Variants in CNTNAP5 observed in about 807,000 individuals in gnomAD.
CNTNAP5 encodes the protein contactin associated protein family member 5.
A neutral mutation model predicts 150.2 loss-of-function variants in CNTNAP5; 72 were observed. The ratio of observed to expected loss-of-function variants is 0.48; its 90% CI spans 0.40 to 0.58. The LOEUF is 0.58. Ranked by LOEUF, CNTNAP5 falls within the 20% of genes least tolerant of loss-of-function variation. The pLI is 0.00. For synonymous variants in CNTNAP5, 672 were observed against 619.8 expected (o/e 1.08, Z -1.25); for missense variants, 1,636 against 1,626.2 (o/e 1.01, Z -0.10).
At chr2:124,601,474 G>C (rs1014215094) in intron 11 of CNTNAP5, among the ~76,000 whole-genome samples, 2 of 152,096 alleles carry the variant, frequency 1.3e-5, no homozygotes, top group African/African-American at 4.8e-5. Flanking sequence ...GAACATCCCA[G>C]AAAGCACTAT....
chr2:124,124,801 TCCAG>T (rs1358553377), intron 1 of CNTNAP5, among the ~76,000 whole-genome samples: 1 of 152,176 alleles, frequency 6.6e-6, no homozygotes, highest in Non-Finnish European at 1.5e-5. Context: ...GAATTTCATA[TCCAG>T]CCAAACTAAG....
intron 11 of CNTNAP5, among the ~76,000 whole-genome samples, chr2:124,564,008 T>C (rs1695951944): frequency 1.3e-5 from 2 of 152,130 alleles, no homozygotes; most frequent in African/African-American, 4.8e-5. Context: ...AACCTGAATA[T>C]TGGTGAAAAG....
chr2:124,817,345 C>G (rs1226327447), intron 19 of CNTNAP5, among the ~76,000 whole-genome samples: 1 of 151,960 alleles, frequency 6.6e-6, no homozygotes, highest in Non-Finnish European at 1.5e-5. Context: ...GCATATGGAG[C>G]ATGGAGTATT....
At chr2:124,793,917 T>A (rs1681790202) in intron 18 of CNTNAP5, among the ~76,000 whole-genome samples, 1 of 152,178 alleles carries the variant, frequency 6.6e-6, no homozygotes, top group African/African-American at 2.4e-5. Context: ...GAAAATTTAT[T>A]TAGAAATCTA....
chr2:124,505,009 A>G (rs1694371653), intron 8 of CNTNAP5, among the ~76,000 whole-genome samples: 2 of 151,304 alleles, frequency 1.3e-5, no homozygotes, highest in South Asian at 4.2e-4. Context: ...CCTGGCCAGC[A>G]TTTTTTTTTC....
intron 3 of CNTNAP5, among the ~76,000 whole-genome samples, chr2:124,332,271 A>T (rs1017584539): frequency 6.6e-6 from 1 of 151,440 alleles, no homozygotes; most frequent in Non-Finnish European, 1.5e-5. Context: ...ATTTAAAATA[A>T]TTTTTCTCAC....
chr2:124,454,683 G>A (rs947451588), intron 6 of CNTNAP5, among the ~76,000 whole-genome samples: 1 of 152,038 alleles, frequency 6.6e-6, no homozygotes, highest in African/African-American at 2.4e-5. Context: ...CTGAAATTAT[G>A]TCAAGCACTT....
At chr2:124,341,133 C>A (rs965639011) in intron 3 of CNTNAP5, among the ~76,000 whole-genome samples, 1 of 151,822 alleles carries the variant, frequency 6.6e-6, no homozygotes, top group Non-Finnish European at 1.5e-5. Flanking sequence ...CACACACACA[C>A]AAAAAGAATC....
At chr2:124,530,924 C>T (rs57441264) in intron 10 of CNTNAP5, among the ~76,000 whole-genome samples, 3,309 of 152,130 alleles carry the variant, frequency 0.022, 109 homozygotes, top group African/African-American at 0.076. Context: ...TCTAAGCCAG[C>T]GGTCCCCAAC....
At chr2:124,029,115 A>G (rs1573701678) in intron 1 of CNTNAP5, among the ~76,000 whole-genome samples, 1 of 152,238 alleles carries the variant, frequency 6.6e-6, no homozygotes, top group East Asian at 1.9e-4. Flanking sequence ...TTAGGGTCAC[A>G]CAAATACAGC....
At chr2:124,151,990 G>C (rs1222856813) in intron 1 of CNTNAP5, among the ~76,000 whole-genome samples, 3 of 152,170 alleles carry the variant, frequency 2.0e-5, no homozygotes, top group African/African-American at 7.2e-5. Flanking sequence ...AAGTTTATAG[G>C]ACACCCACTG....
At chr2:124,812,567 C>G (rs1212954671) in intron 19 of CNTNAP5, among the ~76,000 whole-genome samples, 1 of 152,312 alleles carries the variant, frequency 6.6e-6, no homozygotes, top group Non-Finnish European at 1.5e-5. Flanking sequence ...AATCTATTCT[C>G]TCTAAATCCA....
At chr2:124,646,997 A>G (rs1678215763) in intron 12 of CNTNAP5, among the ~76,000 whole-genome samples, 1 of 152,184 alleles carries the variant, frequency 6.6e-6, no homozygotes, top group Non-Finnish European at 1.5e-5. Context: ...TTTTTTTAAT[A>G]AAAGGAAGTG....
At chr2:124,308,901 A>G (rs1411620527) in intron 3 of CNTNAP5, among the ~76,000 whole-genome samples, 1 of 152,156 alleles carries the variant, frequency 6.6e-6, no homozygotes, top group Non-Finnish European at 1.5e-5. Context: ...TGCGTGTTAC[A>G]ACTCACCAGT....
At chr2:124,814,785 CTCT>C (rs148564005) in intron 19 of CNTNAP5, among the ~76,000 whole-genome samples, 6,994 of 152,168 alleles carry the variant, frequency 0.046, 212 homozygotes, top group South Asian at 0.061. Flanking sequence ...ATGGATTGCA[CTCT>C]TCTTCTTATT....
chr2:124,384,587 T>G (rs966184319), intron 3 of CNTNAP5, among the ~76,000 whole-genome samples: 1 of 152,172 alleles, frequency 6.6e-6, no homozygotes, highest in Non-Finnish European at 1.5e-5. Context: ...ATAAGGAAAC[T>G]GAGACTTAGA....
At chr2:124,869,628 A>T (rs1221998597) in intron 20 of CNTNAP5, 47 bp from the exon 21 acceptor site, 1 of 1,256,564 alleles carries the variant, frequency 8.0e-7, no homozygotes, top group South Asian at 1.2e-5. Flanking sequence ...TATGCTTCTT[A>T]CCTGCAGACC....
intron 1 of CNTNAP5, among the ~76,000 whole-genome samples, chr2:124,103,118 C>T (rs896389630): frequency 1.3e-5 from 2 of 151,604 alleles, no homozygotes; most frequent in African/African-American, 4.9e-5. Flanking sequence ...TAGTTTGTAA[C>T]AAGAATGTTT....
At chr2:124,407,179 T>G (rs7608593) in intron 3 of CNTNAP5, among the ~76,000 whole-genome samples, 23,578 of 152,132 alleles carry the variant, frequency 0.15, 1,939 homozygotes, top group Non-Finnish European at 0.19. Context: ...GATATACTAA[T>G]TTCCTTTCCT....
Sources: gnomAD v4.1 joint callset for allele counts (sites outside exome capture counted in the v4.1 genomes callset) on GRCh38, gnomAD v4.1.1 for gene constraint, MANE v1.5 for transcripts, NCBI Gene and HGNC (gene_info 2026-07-23, HGNC 2026-07-21) for gene names.